MAD1L1: variants seen among roughly 807,000 people sequenced by gnomAD.
The protein encoded by MAD1L1 is mitotic spindle assembly checkpoint protein MAD1.
MAD1L1 carries 95 observed loss-of-function variants against 96.9 expected under a neutral mutation model. That is an observed-to-expected ratio of 0.98 (90% CI 0.83 to 1.16). MAD1L1 has a LOEUF of 1.16. Ranked by LOEUF, MAD1L1 falls within the 50% of genes most tolerant of loss-of-function variation. The pLI, the probability that MAD1L1 is intolerant of heterozygous loss-of-function variation, is 0.00. For synonymous variants in MAD1L1, 473 were observed against 396.6 expected (o/e 1.19, Z -2.29); for missense variants, 1,007 against 954.4 (o/e 1.06, Z -0.73).
chr7:2,122,660 G>C (rs569488459), intron 11 of MAD1L1, among the ~76,000 whole-genome samples: 2 of 152,252 alleles, frequency 1.3e-5, no homozygotes, highest in African/African-American at 4.8e-5. Context: ...GTTGACGCTG[G>C]CCTGCTCCAG....
intron 11 of MAD1L1, among the ~76,000 whole-genome samples, chr7:2,080,451 C>T (rs770749745): frequency 2.0e-5 from 3 of 152,220 alleles, no homozygotes; most frequent in Non-Finnish European, 4.4e-5. Flanking sequence ...CTGCCGGCTC[C>T]CCGCCTCGGC....
intron 11 of MAD1L1, among the ~76,000 whole-genome samples, chr7:2,101,641 A>G (rs1786787100): frequency 6.6e-6 from 1 of 152,228 alleles, no homozygotes; most frequent in Non-Finnish European, 1.5e-5. Flanking sequence ...GCCTCCATCC[A>G]GGAGGCTGTG....
chr7:2,151,866 C>G (rs1584435955), intron 10 of MAD1L1, among the ~76,000 whole-genome samples: 2 of 152,334 alleles, frequency 1.3e-5, no homozygotes, highest in East Asian at 3.9e-4. Flanking sequence ...CCCAGGAAGG[C>G]CTCTGTCTCA....
chr7:2,212,451 C>T (rs1487379927), intron 10 of MAD1L1, among the ~76,000 whole-genome samples: 1 of 152,180 alleles, frequency 6.6e-6, no homozygotes, highest in Non-Finnish European at 1.5e-5. Flanking sequence ...AAGTGGGGCC[C>T]CGTGGGAAGT....
intron 18 of MAD1L1, chr7:1,817,490 G>C (rs1426088116): frequency 6.6e-6 from 1 of 152,230 alleles, no homozygotes; most frequent in Non-Finnish European, 1.5e-5. Context: ...GCCGAACTCT[G>C]ATACACGCTG....
chr7:1,933,974 A>T (rs969226213), intron 17 of MAD1L1, among the ~76,000 whole-genome samples: 1 of 152,186 alleles, frequency 6.6e-6, no homozygotes, highest in African/African-American at 2.4e-5. Context: ...AAGTCTACTC[A>T]GTCCTTTCAC....
At chr7:1,821,009 A>C (rs1369638389) in intron 18 of MAD1L1, among the ~76,000 whole-genome samples, 1 of 140,344 alleles carries the variant, frequency 7.1e-6, no homozygotes, top group East Asian at 2.4e-4. Flanking sequence ...TGAACCCAGG[A>C]GGCGGAGCTT....
At chr7:1,971,548 T>C (rs1363872446) in intron 15 of MAD1L1, among the ~76,000 whole-genome samples, 1 of 152,194 alleles carries the variant, frequency 6.6e-6, no homozygotes, top group African/African-American at 2.4e-5. Context: ...ACTTAAAATA[T>C]ATATTATATA....
intron 18 of MAD1L1, 94 bp downstream of exon 18, chr7:1,898,106 G>C: frequency 7.5e-7 from 1 of 1,338,628 alleles, no homozygotes; most frequent in Non-Finnish European, 1.0e-6. Context: ...CTTTGGACGC[G>C]AGGCTGCTCC....
chr7:2,121,477 C>T (rs1465984668), intron 11 of MAD1L1, among the ~76,000 whole-genome samples: 2 of 152,242 alleles, frequency 1.3e-5, no homozygotes, highest in Non-Finnish European at 1.5e-5. Flanking sequence ...GTCCCGGTGG[C>T]CAGAGGTGTA....
At chr7:2,213,173 A>G (rs768894958) in intron 10 of MAD1L1, 39 bp downstream of exon 10, 59 of 1,610,746 alleles carry the variant, frequency 3.7e-5, no homozygotes, top group Non-Finnish European at 3.7e-5. Flanking sequence ...AGGACCCTTC[A>G]AAGAAGGCGG....
intron 12 of MAD1L1, among the ~76,000 whole-genome samples, chr7:2,031,289 C>T (rs547792967): frequency 1.3e-3 from 198 of 152,292 alleles, no homozygotes; most frequent in African/African-American, 4.5e-3. Flanking sequence ...CCAGCTCCTC[C>T]TCTGGCTTCC....
At chr7:2,179,664 A>T (rs967489944) in intron 10 of MAD1L1, among the ~76,000 whole-genome samples, 1 of 151,366 alleles carries the variant, frequency 6.6e-6, no homozygotes, top group African/African-American at 2.4e-5. Flanking sequence ...CTACCTTAAG[A>T]TCCCAATTAA....
chr7:1,910,478 G>A (rs1229873513), intron 17 of MAD1L1, among the ~76,000 whole-genome samples: 2 of 152,204 alleles, frequency 1.3e-5, no homozygotes, highest in African/African-American at 2.4e-5. Flanking sequence ...GGGACCCCTT[G>A]AACACCCGCC....
chr7:2,165,998 C>G (rs772731425), intron 10 of MAD1L1, among the ~76,000 whole-genome samples: 1 of 152,206 alleles, frequency 6.6e-6, no homozygotes, highest in Non-Finnish European at 1.5e-5. Flanking sequence ...GGGGTCCATA[C>G]TGATGAACGT....
chr7:1,840,749 A>C (rs1381241610), intron 18 of MAD1L1, among the ~76,000 whole-genome samples: 1 of 152,134 alleles, frequency 6.6e-6, no homozygotes. Flanking sequence ...AAAACAATAA[A>C]ACAGCAACAG....
At chr7:1,846,750 C>CG (rs1242395876) in intron 18 of MAD1L1, 6 of 168,090 alleles carry the variant, frequency 3.6e-5, no homozygotes, top group Middle Eastern at 2.9e-3. Flanking sequence ...CAGACGCCCC[C>CG]CCACCGCTCC....
intron 12 of MAD1L1, among the ~76,000 whole-genome samples, chr7:2,059,097 G>A (rs1482402626): frequency 1.1e-5 from 1 of 90,056 alleles, no homozygotes; most frequent in African/African-American, 4.0e-5. Flanking sequence ...GAGAGAAGCA[G>A]GGCTGGAGAG....
At chr7:2,227,070 C>T (rs905151776) in intron 3 of MAD1L1, among the ~76,000 whole-genome samples, 1 of 148,776 alleles carries the variant, frequency 6.7e-6, no homozygotes, top group African/African-American at 2.5e-5. Flanking sequence ...AAGGTGGGTA[C>T]ATAACTTGAG....
Sources: gnomAD v4.1 joint callset for allele counts (sites outside exome capture counted in the v4.1 genomes callset) on GRCh38, gnomAD v4.1.1 for gene constraint, MANE v1.5 for transcripts, NCBI Gene and HGNC (gene_info 2026-07-23, HGNC 2026-07-21) for gene names.